UNC93B1: variants seen among roughly 807,000 people sequenced by gnomAD.
UNC93B1 encodes protein unc-93 homolog B1.
In UNC93B1, 33 loss-of-function variants were observed where a neutral mutation model predicts 56.8. That is an observed-to-expected ratio of 0.58 (90% CI 0.44 to 0.78). The LOEUF (loss-of-function observed/expected upper bound fraction) is 0.78, where lower values mean the gene tolerates loss of function less well. Ranked by LOEUF, UNC93B1 falls within the 30% of genes least tolerant of loss-of-function variation. UNC93B1 has a pLI of 0.00. For missense variants in UNC93B1, 673 were observed against 819.5 expected (o/e 0.82, Z 2.18); for synonymous variants, 334 against 358.6 (o/e 0.93, Z 0.77).
In UNC93B1 at chr11:67,996,856, C is replaced by T. The variant is rs527251071; in HGVS notation, c.907-72G>A. On this transcript the variant is annotated intron_variant, in intron 7 of 10. Transcript: ENST00000227471. The stretch of plus-strand genomic sequence containing the variant: ...GCCTCCAGGCTTCAGCCCCGCCCTT[C>T]AGATGCACCACGTGCCTGGGCCTTG... The T allele has an allele frequency of 6.3e-6, 9 of 1,436,162 alleles. No homozygotes were observed. In the South Asian group the frequency reaches 9.0e-5, roughly 14 times the overall value. The allele number at this position is 1,436,162 out of a possible 1,614,324, so 89.0% of individuals were successfully genotyped here.
Position 67,998,350 on chromosome 11 carries a change from A to G in UNC93B1, c.781+9T>C. The G allele has an allele frequency of 1.2e-6, 2 of 1,613,890 alleles. No individual in the cohort carries two copies. The highest frequency in any genetic ancestry group is 1.7e-6 in the Non-Finnish European group (2 of 1,179,814). On this transcript the variant is annotated intron_variant, in intron 6 of 10. Coordinates refer to ENST00000227471, the MANE Select transcript of UNC93B1 (RefSeq NM_030930.4). ...GTGGACTCCTCCCCAACCCCCAACA[A>G]GGACTAACCGCAGCTCTGCACATTG...
intron 5 of UNC93B1, 57 bp from the exon 6 acceptor site, chr11:67,998,509 C>T (rs757022301): frequency 3.8e-6 from 6 of 1,568,586 alleles, no homozygotes; most frequent in Non-Finnish European, 5.3e-6. Context: ...GCAAGGGACA[C>T]AGGCATGGTC....
rs1202972934 is a variant in UNC93B1, at chr11:68,003,859, C to A, written c.97-61G>T. ...CGCCCCGAACCCGTGTCCCCCGGTG[C>A]CCGCCGCCCCCCGGCCCGCCCCGCC... On this transcript the variant is annotated intron_variant, in intron 1 of 10. Coordinates refer to ENST00000227471, the MANE Select transcript of UNC93B1 (RefSeq NM_030930.4). The surrounding 1 kb of genome is among the most constrained non-coding windows in gnomAD (Gnocchi z 4.4). The A allele has an allele frequency of 7.6e-7, 1 of 1,318,462 alleles. No individual in the cohort carries two copies. The highest frequency in any genetic ancestry group is 3.6e-5 in the Admixed American group (1 of 27,752). 81.7% of individuals were successfully genotyped at this position (1,318,462 alleles called of 1,614,324 possible).
Position 68,003,621 on chromosome 11 carries a change from G to T in UNC93B1, c.238+36C>A, listed in dbSNP as rs764685964. 4.0e-6 allele frequency: 6 copies of T among 1,499,442 alleles called. No homozygotes were observed. The South Asian group carries it at 7.5e-5, about 19-fold the overall frequency. 92.9% of individuals were successfully genotyped at this position (1,499,442 alleles called of 1,614,324 possible). On this transcript the variant is annotated intron_variant, in intron 2 of 10. Coordinates refer to ENST00000227471, the MANE Select transcript of UNC93B1 (RefSeq NM_030930.4). This position sits in a 1 kb window ranked among gnomAD's most constrained non-coding sequence, Gnocchi z 4.4. ...CTGTTTCCCGGGCCGGGCTGGGAGC[G>T]GGCGGGGCGGCCCCGGGTCCCCGAG...
chr11:67,992,962 C>T (rs1856873228), intron 10 of UNC93B1, among the ~76,000 whole-genome samples: 2 of 152,034 alleles, frequency 1.3e-5, no homozygotes, highest in South Asian at 4.1e-4. Flanking sequence ...TACTGCCAGC[C>T]CACTCCCTGC....
chr11:67,997,294 T>C (rs1856965446), intron 7 of UNC93B1, among the ~76,000 whole-genome samples: 1 of 152,106 alleles, frequency 6.6e-6, no homozygotes, highest in South Asian at 2.1e-4. Context: ...TGCCGTCCAG[T>C]ATCACTTCCA....
At chr11:67,995,328 G>A (rs568621936) in intron 9 of UNC93B1, among the ~76,000 whole-genome samples, 5 of 152,144 alleles carry the variant, frequency 3.3e-5, no homozygotes, top group Admixed American at 2.6e-4. Flanking sequence ...CCCTGTGCCC[G>A]CTCTGGGGTA....
chr11:67,998,254 G>A (rs1856983273), intron 6 of UNC93B1, 105 bp downstream of exon 6: 1 of 1,316,866 alleles, frequency 7.6e-7, no homozygotes, highest in Non-Finnish European at 1.1e-6. Flanking sequence ...CAGAGCCGTG[G>A]GGCACTGGGC....
intron 8 of UNC93B1, 168 bp from the exon 9 acceptor site, chr11:67,996,052 C>T (rs1590760334): frequency 2.2e-6 from 1 of 461,860 alleles, no homozygotes; most frequent in Non-Finnish European, 3.7e-6. Context: ...TGCCTCACCC[C>T]CCTGCGATGG....
At chr11:67,999,341 G>A (rs533543917) in intron 4 of UNC93B1, 36 bp from the exon 5 acceptor site, 16 of 1,586,706 alleles carry the variant, frequency 1.0e-5, no homozygotes, top group Admixed American at 7.2e-5. Flanking sequence ...TCCCCAGCCC[G>A]ACCTGTGCCA....
Position 67,996,634 on chromosome 11 carries a change from C to T in UNC93B1, c.1057G>A (p.Glu353Lys). 1.3e-6 allele frequency: 2 copies of T among 1,551,350 alleles called. No individual in the cohort carries two copies. Among genetic ancestry groups the T allele is most frequent in the Non-Finnish European group, 1.7e-6 (2 of 1,146,724 alleles). ...ATACCAGTGCAGGCAAAGAGCACCTCGAAGCCGCTGTAGATAAAGAAAGGC... is the reference window on the plus strand; with the variant it reads ...ATACCAGTGCAGGCAAAGAGCACCTTGAAGCCGCTGTAGATAAAGAAAGGC... ...LVPFFIYSGF[E>K]VLFACTGIAL... The change falls in exon 8 of 11, where the codon GAG (glutamate) becomes AAG (lysine). Residue 353 changes from glutamate (E) to lysine (K), a missense_variant. By Grantham distance (56) the Glu-to-Lys change is moderately conservative (BLOSUM62 1). This residue lies in a region of UNC93B1 where 155 missense variants were observed against 268.3 expected (regional missense o/e 0.58). Transcript: ENST00000227471.
intron 3 of UNC93B1, among the ~76,000 whole-genome samples, chr11:68,000,292 A>G (rs1202571101): frequency 6.6e-6 from 1 of 152,224 alleles, no homozygotes; most frequent in African/African-American, 2.4e-5. Context: ...GGTATCTTCA[A>G]GTTTTCTGTA....
rs768125761 is a variant in UNC93B1 at position 67,999,694 on chromosome 11, G to A, written c.393-14C>T. On this transcript the variant is annotated splice_polypyrimidine_tract_variant and intron_variant, in intron 3 of 10. Transcript: ENST00000227471. ...GTTCCAAAAAACCTGCGGACAGTGGGAGAGATGCTGGCACCACAGGCCTGC... is the reference window on the plus strand; with the variant it reads ...GTTCCAAAAAACCTGCGGACAGTGGAAGAGATGCTGGCACCACAGGCCTGC... The A allele has an allele frequency of 2.5e-6, 4 of 1,608,136 alleles. No homozygotes were observed. Among genetic ancestry groups the A allele is most frequent in the African/African-American group, 1.3e-5 (1 of 74,870 alleles).
chr11:67,997,781 A>T lies in UNC93B1; in HGVS notation c.800T>A (p.Ile267Asn), dbSNP rs764822376. The T allele has an allele frequency of 4.3e-6, 7 of 1,609,200 alleles. No individual in the cohort carries two copies. The highest frequency in any genetic ancestry group is 5.1e-6 in the Non-Finnish European group (6 of 1,179,626). Residue 267 changes from isoleucine to asparagine, a missense_variant, in exon 7 of 11, where the codon ATC (isoleucine) becomes AAC (asparagine). Coordinates refer to ENST00000227471, the MANE Select transcript of UNC93B1 (RefSeq NM_030930.4). ...VQSCGTNSHG[I>N]LSGFNKTVLR... ...AACCGTCTTGTTGAAGCCGCTGAGG[A>T]TCCCGTGGCTGTTGGTGCCTGGGAA...
rs1296781815 is a variant in UNC93B1, at chr11:68,003,900, C to T, written c.96+48G>A. ...CCGCCCCGCCCCCGCCGGGGGGACC[C>T]TGGCCCACAGGGGACGCCCGCGCCT... On this transcript the variant is annotated intron_variant, in intron 1 of 10. Transcript: ENST00000227471. This position sits in a 1 kb window ranked among gnomAD's most constrained non-coding sequence, Gnocchi z 4.4. 1.5e-6 allele frequency: 2 copies of T among 1,317,904 alleles called. No individual in the cohort carries two copies. The highest frequency in any genetic ancestry group is 7.0e-5 in the Admixed American group (2 of 28,692). The allele number at this position is 1,317,904 out of a possible 1,614,324, so 81.6% of individuals were successfully genotyped here. A position where few individuals can be genotyped will look rare whatever the true frequency, so the allele number is the denominator to read the frequency against.
intron 3 of UNC93B1, among the ~76,000 whole-genome samples, chr11:68,001,144 C>T (rs540432022): frequency 1.4e-4 from 21 of 151,122 alleles, no homozygotes; most frequent in African/African-American, 4.9e-4. Flanking sequence ...TGGAGTGAGC[C>T]GAGATTGTGC....
rs2375182 is a variant in UNC93B1, at chr11:67,991,572, C to A, written c.1768G>T (p.Gly590Trp). ...RRPCPYEQAQ[G>W]GDGPEEQ ...CACTGCTCCTCCGGCCCGTCTCCCC[C>A]CTGCGCCTGTTCGTACGGGCAGGGC... The change falls in exon 11 of 11, where the codon GGG becomes TGG. Residue 590 changes from glycine to tryptophan, a missense_variant. This residue lies in a region of UNC93B1 where 80 missense variants were observed against 85.3 expected (regional missense o/e 0.94). Coordinates refer to ENST00000227471, the MANE Select transcript of UNC93B1 (RefSeq NM_030930.4). 6,687 of 1,488,914 alleles carry A rather than the reference C, an allele frequency of 4.5e-3. 39 individuals are homozygous for A. The highest frequency in any genetic ancestry group is 0.024 in the African/African-American group (1,679 of 68,544). 92.2% of individuals were successfully genotyped at this position (1,488,914 alleles called of 1,614,324 possible).
intron 9 of UNC93B1, among the ~76,000 whole-genome samples, chr11:67,994,601 A>T (rs1856904559): frequency 6.6e-6 from 1 of 152,148 alleles, no homozygotes; most frequent in African/African-American, 2.4e-5. Context: ...GGAGCTGGGC[A>T]GAGGGGATGC....
At chr11:67,992,504 A>T (rs1856860822) in intron 10 of UNC93B1, among the ~76,000 whole-genome samples, 1 of 151,998 alleles carries the variant, frequency 6.6e-6, no homozygotes. Context: ...ACGCCCAGCT[A>T]TTTTTTAAAT....
Sources: gnomAD v4.1 joint callset for allele counts (sites outside exome capture counted in the v4.1 genomes callset) on GRCh38, gnomAD v4.1.1 for gene constraint, gnomAD v4.1.1 regional missense constraint, Gnocchi (gnomAD v3.1) non-coding constraint, MANE v1.5 for transcripts, NCBI Gene and HGNC (gene_info 2026-07-23, HGNC 2026-07-21) for gene names.